KIAA0753: variants seen among roughly 807,000 people sequenced by gnomAD.
KIAA0753 encodes protein moonraker.
A neutral mutation model predicts 116.9 loss-of-function variants in KIAA0753; 114 were observed. That is an observed-to-expected ratio of 0.98 (90% CI 0.84 to 1.14). The LOEUF (loss-of-function observed/expected upper bound fraction) is 1.14, where lower values mean the gene tolerates loss of function less well. KIAA0753 is among the 50% of genes most tolerant of loss of function. KIAA0753 has a pLI of 0.00. For synonymous variants in KIAA0753, 405 were observed against 413.1 expected (o/e 0.98, Z 0.24); for missense variants, 1,156 against 1,172.4 (o/e 0.99, Z 0.20).
intron 18 of KIAA0753, among the ~76,000 whole-genome samples, chr17:6,585,283 CT>C (rs1464538180): frequency 6.6e-6 from 1 of 152,148 alleles, no homozygotes; most frequent in African/African-American, 2.4e-5. Flanking sequence ...TGTCATCTTT[CT>C]TTTCCTTATA....
chr17:6,603,011 G>GT (rs1458896640), intron 12 of KIAA0753, among the ~76,000 whole-genome samples: 1 of 152,142 alleles, frequency 6.6e-6, no homozygotes, highest in Non-Finnish European at 1.5e-5. Context: ...CGACCACTAA[G>GT]TAAGAGATAT....
chr17:6,630,337 G>A (rs1050748956), intron 2 of KIAA0753, among the ~76,000 whole-genome samples: 1 of 152,080 alleles, frequency 6.6e-6, no homozygotes, highest in Non-Finnish European at 1.5e-5. Flanking sequence ...ATATGCTGTT[G>A]GTGAGGCTGT....
intron 6 of KIAA0753, among the ~76,000 whole-genome samples, chr17:6,622,189 G>T (rs1971369929): frequency 6.6e-6 from 1 of 152,188 alleles, no homozygotes. Flanking sequence ...AATAGAATTT[G>T]ATGCCTAGCT....
intron 18 of KIAA0753, among the ~76,000 whole-genome samples, chr17:6,585,193 T>C (rs1968480945): frequency 6.6e-6 from 1 of 152,240 alleles, no homozygotes; most frequent in Non-Finnish European, 1.5e-5. Flanking sequence ...ATCTTCTAGC[T>C]TCTGGTGTTA....
At chr17:6,601,348 C>A (rs1029660367) in intron 12 of KIAA0753, among the ~76,000 whole-genome samples, 3 of 152,194 alleles carry the variant, frequency 2.0e-5, no homozygotes, top group Non-Finnish European at 2.9e-5. Flanking sequence ...ACAGTTGAGG[C>A]TGTAGGTACC....
chr17:6,622,885 A>C lies in KIAA0753; in HGVS notation c.1101T>G (p.Ile367Met). 6.2e-7 allele frequency: 1 copy of C among 1,610,748 alleles called. No homozygotes were observed. Among genetic ancestry groups the C allele is most frequent in the Non-Finnish European group, 8.5e-7 (1 of 1,177,018 alleles). ...PDVVIDILQQ[I>M]EALESLLEKK... Reference sequence around the variant, plus strand: ...AAAATTGGAATTAATTCCATACCTCAATTTGTTGCAGAATATCTATAACCA... The same window carrying C: ...AAAATTGGAATTAATTCCATACCTCCATTTGTTGCAGAATATCTATAACCA... Residue 367 changes from isoleucine (I) to methionine (M), a missense_variant, in exon 6 of 19, where the codon ATT (isoleucine) becomes ATG (methionine). Coordinates refer to ENST00000361413, the MANE Select transcript of KIAA0753 (RefSeq NM_014804.3).
At chr17:6,623,816 T>C (rs1971485591) in intron 4 of KIAA0753, 1 of 360,828 alleles carries the variant, frequency 2.8e-6, no homozygotes, top group Admixed American at 4.8e-5. Flanking sequence ...GAATTTAGCA[T>C]GAAGGAGTGA....
chr17:6,592,091 G>C (rs1460091076), intron 16 of KIAA0753, among the ~76,000 whole-genome samples: 1 of 152,222 alleles, frequency 6.6e-6, no homozygotes, highest in Non-Finnish European at 1.5e-5. Flanking sequence ...TGGCCTTGAA[G>C]AACAGCTTGA....
chr17:6,621,111 T>A, intron 6 of KIAA0753, 113 bp from the exon 7 acceptor site: 1 of 832,090 alleles, frequency 1.2e-6, no homozygotes, highest in Non-Finnish European at 1.9e-6. Flanking sequence ...TGGCTATCTC[T>A]AACAGTTAAC....
chr17:6,606,660 A>C lies in KIAA0753; in HGVS notation c.2009+213T>G, dbSNP rs142094266. Reference sequence around the variant, plus strand: ...GATCTTTCAGACAGAACTTCTCTACAATTACAGATTTTTTTCAGTTCTCCT... The same window carrying C: ...GATCTTTCAGACAGAACTTCTCTACCATTACAGATTTTTTTCAGTTCTCCT... On this transcript the variant is annotated intron_variant, in intron 12 of 18. Coordinates refer to ENST00000361413, the MANE Select transcript of KIAA0753 (RefSeq NM_014804.3). Among the ~76,000 whole-genome samples, 147 of 152,320 alleles carry C rather than the reference A, an allele frequency of 9.7e-4. 1 individual carries two copies. The highest frequency in any genetic ancestry group is 3.4e-3 in the African/African-American group (140 of 41,570).
At chr17:6,592,162 T>C (rs137880858) in intron 16 of KIAA0753, among the ~76,000 whole-genome samples, 289 of 152,244 alleles carry the variant, frequency 1.9e-3, no homozygotes, top group Middle Eastern at 6.8e-3. Flanking sequence ...AGAACAACAG[T>C]AGCAAAGCAC....
chr17:6,595,390 C>G (rs1004991384), intron 15 of KIAA0753, among the ~76,000 whole-genome samples: 4 of 152,132 alleles, frequency 2.6e-5, no homozygotes, highest in African/African-American at 9.7e-5. Context: ...TAAGCACCTG[C>G]GGCTAGTGGC....
intron 7 of KIAA0753, among the ~76,000 whole-genome samples, chr17:6,620,408 G>T (rs1282451736): frequency 1.5e-5 from 2 of 134,606 alleles, no homozygotes; most frequent in Admixed American, 1.6e-4. Context: ...ATTTATCTGA[G>T]GAAAAAAAAA....
At chr17:6,595,097 GT>G (rs1438650626) in intron 15 of KIAA0753, 44 bp from the exon 16 acceptor site, 2 of 1,371,020 alleles carry the variant, frequency 1.5e-6, no homozygotes, top group Admixed American at 1.8e-5. Flanking sequence ...GAAAAAATGA[GT>G]TTAATTACAA....
At chr17:6,600,266 C>T (rs2150789843) in intron 13 of KIAA0753, 114 bp downstream of exon 13, 1 of 764,938 alleles carries the variant, frequency 1.3e-6, no homozygotes, top group East Asian at 2.5e-5. Context: ...GGGTATCTTC[C>T]AGATGCCACA....
intron 18 of KIAA0753, among the ~76,000 whole-genome samples, chr17:6,582,973 T>C (rs1008249226): frequency 2.6e-5 from 4 of 152,200 alleles, no homozygotes; most frequent in African/African-American, 7.2e-5. Flanking sequence ...TATTGTTTCA[T>C]ACAGCCAATA....
intron 13 of KIAA0753, 152 bp downstream of exon 13, chr17:6,600,228 G>A: frequency 1.6e-6 from 1 of 624,990 alleles, no homozygotes; most frequent in Non-Finnish European, 2.9e-6. Flanking sequence ...CACAATGGAG[G>A]GCATATCAGT....
At chr17:6,602,540 T>C (rs1969944051) in intron 12 of KIAA0753, among the ~76,000 whole-genome samples, 1 of 152,224 alleles carries the variant, frequency 6.6e-6, no homozygotes, top group Non-Finnish European at 1.5e-5. Flanking sequence ...ATGATTCTAT[T>C]CATATAAAGT....
intron 6 of KIAA0753, among the ~76,000 whole-genome samples, chr17:6,621,705 G>C (rs773036060): frequency 1.3e-5 from 2 of 152,118 alleles, no homozygotes; most frequent in Non-Finnish European, 2.9e-5. Flanking sequence ...AGAAACATTA[G>C]GTTAAAGGTA....
Sources: gnomAD v4.1 joint callset for allele counts (sites outside exome capture counted in the v4.1 genomes callset) on GRCh38, gnomAD v4.1.1 for gene constraint, MANE v1.5 for transcripts, NCBI Gene and HGNC (gene_info 2026-07-23, HGNC 2026-07-21) for gene names.